The following ANKRD13B variants were observed in gnomAD, a reference collection of about 807,000 sequenced individuals.
ANKRD13B encodes ankyrin repeat domain 13B.
In ANKRD13B, 33 loss-of-function variants were observed where a neutral mutation model predicts 74.4. The ratio of observed to expected loss-of-function variants is 0.44; its 90% CI spans 0.34 to 0.59. The LOEUF (loss-of-function observed/expected upper bound fraction) is 0.59. ANKRD13B is among the 20% of genes least tolerant of loss of function. ANKRD13B has a pLI of 0.02. For missense variants in ANKRD13B, 676 were observed against 877.9 expected (o/e 0.77, Z 2.91); for synonymous variants, 341 against 362.9 (o/e 0.94, Z 0.68).
In ANKRD13B at chr17:29,608,018, G is replaced by A. The variant is rs751777513; in HGVS notation, c.283G>A (p.Glu95Lys). Residue 95 changes from glutamate (E) to lysine (K), a missense_variant, in exon 3 of 15, where the codon GAG (glutamate) becomes AAG (lysine). Physicochemically the swap from Glu to Lys is moderately conservative, Grantham distance 56 (BLOSUM62 1). Transcript: ENST00000394859. The surrounding 1 kb of genome is among the most constrained non-coding windows in gnomAD (Gnocchi z 6.4). ...LQEAVSTRDL[E>K]LVQLVLRYRD... is the part of the protein sequence containing the mutation. ...GGAGGCTGTGAGTACCCGGGACCTG[G>A]AGCTGGTGCAGCTGGTGCTTCGGTA... 6.2e-7 allele frequency: 1 copy of A among 1,611,938 alleles called. No homozygotes were observed. Among genetic ancestry groups the A allele is most frequent in the South Asian group, 1.1e-5 (1 of 90,906 alleles).
At chr17:29,594,731 G>A (rs896606236) in intron 1 of ANKRD13B, among the ~76,000 whole-genome samples, 4 of 152,236 alleles carry the variant, frequency 2.6e-5, no homozygotes, top group African/African-American at 9.6e-5. Context: ...TTTGGACTGG[G>A]TCTGAGACCT....
Position 29,593,373 on chromosome 17 carries a change from G to C in ANKRD13B, c.-249G>C, listed in dbSNP as rs1305414271. Reference sequence around the variant, plus strand: ...GTCCGCGCAGCGCCGCCGAGTGCCCGCTCCCTCCCAGGGCGGGTGGGGGCC... The same window carrying C: ...GTCCGCGCAGCGCCGCCGAGTGCCCCCTCCCTCCCAGGGCGGGTGGGGGCC... On this transcript the variant is annotated 5_prime_UTR_variant, in exon 1 of 15. Transcript: ENST00000394859. 2.0e-5 allele frequency: 3 copies of C among 147,200 alleles called. No homozygotes were observed. Among genetic ancestry groups the C allele is most frequent in the African/African-American group, 7.4e-5 (3 of 40,810 alleles). 9.1% of individuals were successfully genotyped at this position (147,200 alleles called of 1,614,324 possible).
At chr17:29,603,423 G>C (rs2034252400) in intron 1 of ANKRD13B, among the ~76,000 whole-genome samples, 1 of 151,998 alleles carries the variant, frequency 6.6e-6, no homozygotes, top group African/African-American at 2.4e-5. Flanking sequence ...AAGTTGTTTT[G>C]TTTTGTTTTG....
In ANKRD13B at chr17:29,593,408, CG is replaced by C. The variant is rs1349027359; in HGVS notation, c.-213del. 1.4e-5 allele frequency: 2 copies of C among 146,542 alleles called. No individual in the cohort carries two copies. Among genetic ancestry groups the C allele is most frequent in the Non-Finnish European group, 3.0e-5 (2 of 65,770 alleles). The allele number at this position is 146,542 out of a possible 1,614,324, so 9.1% of individuals were successfully genotyped here. On this transcript the variant is annotated 5_prime_UTR_variant, in exon 1 of 15. Transcript: ENST00000394859. ...AGGGCGGGTGGGGGCCTCTCCGCGC[CG>C]CCCGCCGCCGCCGCCTCGCGAGGAC... is the stretch of plus-strand genomic sequence containing the variant.
At position 29,613,618 on chromosome 17, in the gene ANKRD13B, G is replaced by A. The variant is rs1009605156; in HGVS notation, c.*36G>A. 1 of 1,395,528 alleles carries A rather than the reference G, an allele frequency of 7.2e-7. No homozygotes were observed. Among genetic ancestry groups the A allele is most frequent in the Non-Finnish European group, 9.3e-7 (1 of 1,074,996 alleles). The allele number at this position is 1,395,528 out of a possible 1,614,324, so 86.4% of individuals were successfully genotyped here. On this transcript the variant is annotated 3_prime_UTR_variant, in exon 15 of 15. Transcript: ENST00000394859. ...CGGGACCCTCGCCAGCGCCACGCGC[G>A]CCACGCCCAGGGCCAGGAGCCAGAC...
Position 29,612,040 on chromosome 17 carries a change from G to C in ANKRD13B, c.1100+34G>C. On this transcript the variant is annotated intron_variant, in intron 10 of 14. Transcript: ENST00000394859. This position sits in a 1 kb window ranked among gnomAD's most constrained non-coding sequence, Gnocchi z 6.1. The stretch of plus-strand genomic sequence containing the variant: ...CCTGCCGGTGCTGGGAAGGTGGGGG[G>C]CCGGGGCTCCAGGAGATGCTGGGAG... 3 of 1,608,954 alleles carry C rather than the reference G, an allele frequency of 1.9e-6. No individual in the cohort carries two copies. The highest frequency in any genetic ancestry group is 2.5e-6 in the Non-Finnish European group (3 of 1,176,800).
At chr17:29,599,011 G>A (rs2034058128) in intron 1 of ANKRD13B, among the ~76,000 whole-genome samples, 1 of 152,202 alleles carries the variant, frequency 6.6e-6, no homozygotes, top group Non-Finnish European at 1.5e-5. Flanking sequence ...CTGGCTGATG[G>A]GGCTTCTGTT....
In ANKRD13B at chr17:29,610,556, C is replaced by T. The variant is rs2034546484; in HGVS notation, c.823-129C>T. 11 of 636,272 alleles carry T rather than the reference C, an allele frequency of 1.7e-5. No individual in the cohort carries two copies. In the South Asian group the frequency reaches 3.2e-4, roughly 19 times the overall value. 39.4% of individuals were successfully genotyped at this position (636,272 alleles called of 1,614,324 possible). On this transcript the variant is annotated intron_variant, in intron 7 of 14. Coordinates refer to ENST00000394859, the MANE Select transcript of ANKRD13B (RefSeq NM_152345.5). ...ATGAATGAATGACCTCATATATTCA[C>T]TTACCCAAAAGCCTGAAGCAGAGTC...
At chr17:29,600,433 G>T (rs2034128317) in intron 1 of ANKRD13B, among the ~76,000 whole-genome samples, 1 of 152,154 alleles carries the variant, frequency 6.6e-6, no homozygotes. Context: ...GGCTGCCAGT[G>T]GTTCAGGACC....
Position 29,608,869 on chromosome 17 carries a change from T to A in ANKRD13B, c.440T>A (p.Ile147Asn), listed in dbSNP as rs1222222366. Reference protein sequence around the residue: ...FTSWVPLVSKICPSDTYKVWK... With the variant: ...FTSWVPLVSKNCPSDTYKVWK... ...CCACCAGTGCCCCTGGTGTCCAAGA[T>A]CTGCCCTAGTGACACCTACAAAGTG... is the stretch of plus-strand genomic sequence containing the variant. Residue 147 changes from isoleucine (I) to asparagine (N), a missense_variant, in exon 5 of 15, where the codon ATC becomes AAC. Coordinates refer to ENST00000394859, the MANE Select transcript of ANKRD13B (RefSeq NM_152345.5). This position sits in a 1 kb window ranked among gnomAD's most constrained non-coding sequence, Gnocchi z 6.4. The A allele has an allele frequency of 6.2e-7, 1 of 1,614,122 alleles. No homozygotes were observed. The highest frequency in any genetic ancestry group is 8.5e-7 in the Non-Finnish European group (1 of 1,180,034).
At chr17:29,603,746 C>T (rs2034262274) in intron 1 of ANKRD13B, among the ~76,000 whole-genome samples, 1 of 152,132 alleles carries the variant, frequency 6.6e-6, no homozygotes, top group Admixed American at 6.5e-5. Flanking sequence ...TCTCATTCCT[C>T]TCCTCATGAA....
chr17:29,596,806 G>A (rs974277431), intron 1 of ANKRD13B, among the ~76,000 whole-genome samples: 1 of 152,214 alleles, frequency 6.6e-6, no homozygotes, highest in Admixed American at 6.5e-5. Context: ...CATCACCACA[G>A]CTGGTAAGCT....
intron 1 of ANKRD13B, chr17:29,599,333 T>A (rs1395898037): frequency 1.3e-5 from 2 of 152,016 alleles, no homozygotes; most frequent in Non-Finnish European, 2.9e-5. Flanking sequence ...GAGTAACACT[T>A]CACAGGGTGA....
At chr17:29,610,601 C>T (rs1401044263) in intron 7 of ANKRD13B, 84 bp from the exon 8 acceptor site, 4 of 1,259,386 alleles carry the variant, frequency 3.2e-6, no homozygotes, top group Non-Finnish European at 4.5e-6. Flanking sequence ...CCCTTTGCTA[C>T]AGGGAGTGTT....
Position 29,608,887 on chromosome 17 carries a change from A to G in ANKRD13B, c.458A>G (p.Tyr153Cys). The G allele has an allele frequency of 2.5e-6, 4 of 1,614,154 alleles. No individual in the cohort carries two copies. Among genetic ancestry groups the G allele is most frequent in the South Asian group, 1.1e-5 (1 of 91,088 alleles). ...TCCAAGATCTGCCCTAGTGACACCTACAAAGTGTGGAAGAGCGGCCAGAAC... is the reference window on the plus strand; with the variant it reads ...TCCAAGATCTGCCCTAGTGACACCTGCAAAGTGTGGAAGAGCGGCCAGAAC... ...LVSKICPSDT[Y>C]KVWKSGQNLR... The change falls in exon 5 of 15, where the codon TAC becomes TGC. Residue 153 changes from tyrosine (Y) to cysteine (C), a missense_variant. Physicochemically the swap from Tyr to Cys is radical, Grantham distance 194. This residue lies in a region of ANKRD13B where 328 missense variants were observed against 518.4 expected (regional missense o/e 0.63). Coordinates refer to ENST00000394859, the MANE Select transcript of ANKRD13B (RefSeq NM_152345.5). This position sits in a 1 kb window ranked among gnomAD's most constrained non-coding sequence, Gnocchi z 6.4.
chr17:29,593,609 TGAG>T lies in ANKRD13B; in HGVS notation c.-9_-7del. On this transcript the variant is annotated 5_prime_UTR_variant, in exon 1 of 15. Transcript: ENST00000394859. ...CCGGCCGGGCGCCGCGGCCCCGGCA[TGAG>T]GAGCGGGCGATGATCCCCGCCAACG... The T allele has an allele frequency of 7.7e-7, 1 of 1,294,062 alleles. No individual in the cohort carries two copies. Among genetic ancestry groups the T allele is most frequent in the East Asian group, 3.7e-5 (1 of 27,002 alleles). 80.2% of individuals were successfully genotyped at this position (1,294,062 alleles called of 1,614,324 possible).
chr17:29,613,146 G>C (rs952547907), intron 14 of ANKRD13B, 183 bp downstream of exon 14: 6 of 1,154,328 alleles, frequency 5.2e-6, no homozygotes, highest in Non-Finnish European at 4.8e-6. Context: ...TCACCGCGGA[G>C]TTCAGACTCT....
In ANKRD13B at chr17:29,608,356, C is replaced by G; in HGVS notation, c.421+116C>G. 7.4e-7 allele frequency: 1 copy of G among 1,343,594 alleles called. No individual in the cohort carries two copies. The highest frequency in any genetic ancestry group is 1.0e-6 in the Non-Finnish European group (1 of 972,146). 83.2% of individuals were successfully genotyped at this position (1,343,594 alleles called of 1,614,324 possible). On this transcript the variant is annotated intron_variant, in intron 4 of 14. Transcript: ENST00000394859. This position sits in a 1 kb window ranked among gnomAD's most constrained non-coding sequence, Gnocchi z 6.4. Reference sequence around the variant, plus strand: ...CGGCGGTTCCCTCTATGCCTTAGCTCAGCTCAGGGCCACCGCCTCAGCTAG... The same window carrying G: ...CGGCGGTTCCCTCTATGCCTTAGCTGAGCTCAGGGCCACCGCCTCAGCTAG...
In ANKRD13B at chr17:29,612,709, G is replaced by C; in HGVS notation, c.1469G>C (p.Ser490Thr). The change falls in exon 13 of 15, where the codon AGC (serine) becomes ACC (threonine). Residue 490 changes from serine to threonine, a missense_variant. By Grantham distance (58) the Ser-to-Thr change is moderately conservative. Coordinates refer to ENST00000394859, the MANE Select transcript of ANKRD13B (RefSeq NM_152345.5). This position sits in a 1 kb window ranked among gnomAD's most constrained non-coding sequence, Gnocchi z 6.1. ...PALFEAPRGY[S>T]MMGGQREAAT... ...TTGTTCGAGGCCCCGCGCGGCTACA[G>C]CATGATGGGCGGCCAGCGGGAGGCG... is the stretch of plus-strand genomic sequence containing the variant. 1 of 1,599,376 alleles carries C rather than the reference G, an allele frequency of 6.3e-7. No homozygotes were observed. The highest frequency in any genetic ancestry group is 8.5e-7 in the Non-Finnish European group (1 of 1,177,988).
Sources: gnomAD v4.1 joint callset for allele counts (sites outside exome capture counted in the v4.1 genomes callset) on GRCh38, gnomAD v4.1.1 for gene constraint, gnomAD v4.1.1 regional missense constraint, Gnocchi (gnomAD v3.1) non-coding constraint, MANE v1.5 for transcripts, NCBI Gene and HGNC (gene_info 2026-07-23, HGNC 2026-07-21) for gene names.